Variants in TNS3 observed in about 807,000 individuals in gnomAD.
TNS3 encodes the protein tensin 3.
Under a neutral mutation model 140.9 loss-of-function variants are expected in TNS3, and 45 were observed. The ratio of observed to expected loss-of-function variants is 0.32; its 90% CI spans 0.25 to 0.41. The LOEUF (loss-of-function observed/expected upper bound fraction) is 0.41. Ranked by LOEUF, TNS3 falls within the 10% of genes least tolerant of loss-of-function variation. TNS3 has a pLI of 1.00. For synonymous variants in TNS3, 815 were observed against 788.4 expected (o/e 1.03, Z -0.56); for missense variants, 1,716 against 1,906.7 (o/e 0.90, Z 1.86).
intron 1 of TNS3, among the ~76,000 whole-genome samples, chr7:47,576,610 T>C (rs1800681607): frequency 6.6e-6 from 1 of 152,188 alleles, no homozygotes; most frequent in Non-Finnish European, 1.5e-5. Flanking sequence ...CCCCTTTGTT[T>C]GCAGAGCCAG....
intron 4 of TNS3, chr7:47,470,722 C>T (rs1224474401): frequency 1.9e-5 from 18 of 930,070 alleles, no homozygotes; most frequent in Middle Eastern, 5.4e-4. Flanking sequence ...GCCTCCTAGC[C>T]GGAGTGGGTT....
Position 47,441,635 on chromosome 7 carries a change from G to T in TNS3, c.-23+368C>A, listed in dbSNP as rs139164935. Among the ~76,000 whole-genome samples, 584 of 152,306 alleles carry T rather than the reference G, an allele frequency of 3.8e-3. 3 individuals are homozygous for T. Among genetic ancestry groups the T allele is most frequent in the African/African-American group, 0.013 (549 of 41,558 alleles). Reference sequence around the variant, plus strand: ...AATAAAGCGCTTCCTACGGTCATGAGGATCCACAGTGAGTGCCTCTCCAGA... The same window carrying T: ...AATAAAGCGCTTCCTACGGTCATGATGATCCACAGTGAGTGCCTCTCCAGA... On this transcript the variant is annotated intron_variant, in intron 5 of 30. Coordinates refer to ENST00000311160, the MANE Select transcript of TNS3 (RefSeq NM_022748.12).
chr7:47,278,081 C>T lies in TNS3; in HGVS notation c.4333G>A (p.Val1445Ile). 2 of 1,614,040 alleles carry T rather than the reference C, an allele frequency of 1.2e-6. No homozygotes were observed. The highest frequency in any genetic ancestry group is 1.1e-5 in the South Asian group (1 of 91,068). The change falls in exon 31 of 31, where the codon GTC (valine) becomes ATC (isoleucine). Residue 1445 changes from valine (V) to isoleucine (I), a missense_variant. Coordinates refer to ENST00000311160, the MANE Select transcript of TNS3 (RefSeq NM_022748.12). ...CCAGGGAGGGAGGGGAGTTCTCAGA[C>T]CTTCTTTGGGGAACCAATCATGACC... is the stretch of plus-strand genomic sequence containing the variant. ...SKVMIGSPKKV is the reference protein window; with the variant it reads ...SKVMIGSPKKI
chr7:47,454,691 C>T (rs905987838), intron 4 of TNS3, among the ~76,000 whole-genome samples: 3 of 152,068 alleles, frequency 2.0e-5, no homozygotes, highest in South Asian at 2.1e-4. Context: ...GAAAACAGGC[C>T]GAGCCCTAGA....
chr7:47,475,023 CA>C (rs1797135579), intron 4 of TNS3, among the ~76,000 whole-genome samples: 1 of 151,858 alleles, frequency 6.6e-6, no homozygotes, highest in African/African-American at 2.4e-5. Context: ...ACACAACACA[CA>C]CACCTCACAC....
chr7:47,519,968 C>T (rs906374717), intron 2 of TNS3, among the ~76,000 whole-genome samples: 24 of 151,866 alleles, frequency 1.6e-4, no homozygotes, highest in Non-Finnish European at 5.9e-5. Context: ...GGACTACAGG[C>T]GCCCGCCACC....
At chr7:47,530,841 A>ATATATATATATG (rs1199801831) in intron 1 of TNS3, among the ~76,000 whole-genome samples, 1 of 114,742 alleles carries the variant, frequency 8.7e-6, no homozygotes, top group Non-Finnish European at 1.9e-5. Flanking sequence ...AAAAAAAAAT[A>ATATATATATATG]TATATATATA....
chr7:47,579,899 C>T, intron 1 of TNS3: 1 of 972,776 alleles, frequency 1.0e-6, no homozygotes, highest in Non-Finnish European at 1.2e-6. Context: ...ACACCTCCTG[C>T]AGTGGAAGAG....
At chr7:47,323,027 C>T (rs537443273) in intron 20 of TNS3, among the ~76,000 whole-genome samples, 5 of 152,296 alleles carry the variant, frequency 3.3e-5, no homozygotes, top group African/African-American at 1.2e-4. Context: ...GTAGGCACCC[C>T]GTCTCCAGCC....
chr7:47,439,173 C>T (rs920233516), intron 6 of TNS3, among the ~76,000 whole-genome samples: 4 of 152,160 alleles, frequency 2.6e-5, no homozygotes, highest in Admixed American at 6.5e-5. Flanking sequence ...AGCATGGGAG[C>T]GCAAGGGTGG....
At chr7:47,445,529 T>C (rs1231651779) in intron 4 of TNS3, among the ~76,000 whole-genome samples, 1 of 152,154 alleles carries the variant, frequency 6.6e-6, no homozygotes, top group African/African-American at 2.4e-5. Context: ...CTGAATCACA[T>C]GAACATCAGT....
intron 2 of TNS3, among the ~76,000 whole-genome samples, chr7:47,510,028 CCAAA>C (rs1410244407): frequency 3.3e-5 from 5 of 152,178 alleles, no homozygotes; most frequent in Non-Finnish European, 5.9e-5. Context: ...ATGCGTATTG[CCAAA>C]TTTCCACCAC....
intron 3 of TNS3, among the ~76,000 whole-genome samples, chr7:47,487,870 GC>G: frequency 6.6e-6 from 1 of 152,102 alleles, no homozygotes; most frequent in Middle Eastern, 3.4e-3. Context: ...TCGTGATGGC[GC>G]CAAGATGGCA....
chr7:47,470,885 T>C (rs1341265616), intron 4 of TNS3, among the ~76,000 whole-genome samples: 2 of 151,934 alleles, frequency 1.3e-5, no homozygotes, highest in African/African-American at 4.8e-5. Context: ...ACTTTCAAAT[T>C]CCAGCTACAA....
intron 17 of TNS3, among the ~76,000 whole-genome samples, chr7:47,362,679 C>T (rs1159759684): frequency 6.6e-6 from 1 of 152,146 alleles, no homozygotes; most frequent in African/African-American, 2.4e-5. Flanking sequence ...CTCAGAGTAA[C>T]AGTTCTTACT....
At chr7:47,578,096 T>G (rs937518777) in intron 1 of TNS3, among the ~76,000 whole-genome samples, 1 of 150,682 alleles carries the variant, frequency 6.6e-6, no homozygotes, top group Non-Finnish European at 1.5e-5. Flanking sequence ...GTGGATCACC[T>G]GAGGTCAGGA....
At chr7:47,562,942 G>A (rs1316261946) in intron 1 of TNS3, among the ~76,000 whole-genome samples, 1 of 151,940 alleles carries the variant, frequency 6.6e-6, no homozygotes. Flanking sequence ...TGAGTGCCTG[G>A]GGATAATTCA....
intron 17 of TNS3, among the ~76,000 whole-genome samples, chr7:47,363,067 C>T: frequency 0.019 from 1 of 52 alleles, no homozygotes. Flanking sequence ...CCGTCATCAT[C>T]CACCATCACC....
At position 47,411,722 on chromosome 7, in the gene TNS3, C is replaced by T. The variant is rs1198222814; in HGVS notation, c.723+5G>A. 1.2e-6 allele frequency: 2 copies of T among 1,609,604 alleles called. No individual in the cohort carries two copies. Among genetic ancestry groups the T allele is most frequent in the Non-Finnish European group, 8.5e-7 (1 of 1,177,882 alleles). The stretch of plus-strand genomic sequence containing the variant: ...AACCCATCTGCGGCCACAGCGGGCA[C>T]TCACCATGACATCTCCCTTCAGAAG... On this transcript the variant is annotated splice_donor_5th_base_variant and intron_variant, in intron 13 of 30. Transcript: ENST00000311160.
Sources: allele counts gnomAD v4.1 joint callset (sites outside exome capture counted in the v4.1 genomes callset), GRCh38; gene constraint gnomAD v4.1.1; transcripts MANE v1.5; gene names NCBI Gene and HGNC (gene_info 2026-07-23, HGNC 2026-07-21).